Variants in CDC42BPA observed in about 807,000 individuals in gnomAD.
The protein encoded by CDC42BPA is serine/threonine-protein kinase MRCK alpha.
In CDC42BPA, 80 loss-of-function variants were observed where a neutral mutation model predicts 223.5. That is an observed-to-expected ratio of 0.36 (90% CI 0.30 to 0.43). The LOEUF is 0.43. Ranked by LOEUF, CDC42BPA falls within the 20% of genes least tolerant of loss-of-function variation. The pLI, the probability that CDC42BPA is intolerant of heterozygous loss-of-function variation, is 1.00. For synonymous variants in CDC42BPA, 694 were observed against 718.6 expected (o/e 0.97, Z 0.55); for missense variants, 1,743 against 2,099.9 (o/e 0.83, Z 3.32).
Position 227,139,647 on chromosome 1 carries a change from G to A in CDC42BPA, c.1319C>T (p.Ala440Val), listed in dbSNP as rs1219452352. ...AATTCTTCTTTCATAAGCTTCAGTT[G>A]CTAAGTTGTTGTCTAGAGTCCTCTG... ...NVQRTLDNNL[A>V]TEAYERRIKR... The change falls in exon 10 of 37, where the codon GCA (alanine) becomes GTA (valine). Residue 440 changes from alanine to valine, a missense_variant. By Grantham distance (64) the Ala-to-Val change is moderately conservative. Transcript: ENST00000366766. 1.2e-6 allele frequency: 2 copies of A among 1,611,864 alleles called. No individual in the cohort carries two copies. The highest frequency in any genetic ancestry group is 1.7e-6 in the Non-Finnish European group (2 of 1,179,032).
chr1:227,028,161 A>G (rs922557904), intron 30 of CDC42BPA, among the ~76,000 whole-genome samples: 1 of 152,126 alleles, frequency 6.6e-6, no homozygotes, highest in Non-Finnish European at 1.5e-5. Flanking sequence ...TTATGTCTTA[A>G]TATTTCTTGA....
chr1:227,200,125 A>T (rs1572311482), intron 3 of CDC42BPA, among the ~76,000 whole-genome samples: 2 of 151,638 alleles, frequency 1.3e-5, no homozygotes, highest in African/African-American at 2.4e-5. Flanking sequence ...CAAACAACAG[A>T]TTTGTGTTTT....
At position 226,994,887 on chromosome 1, in the gene CDC42BPA, C is replaced by A; in HGVS notation, c.5069G>T (p.Gly1690Val). 1 of 1,613,840 alleles carries A rather than the reference C, an allele frequency of 6.2e-7. No individual in the cohort carries two copies. The highest frequency in any genetic ancestry group is 8.5e-7 in the Non-Finnish European group (1 of 1,179,736). ...KRQPMPSPSE[G>V]SLSSGGMDQG... Reference sequence around the variant, plus strand: ...GTCCATGCCTCCAGAGGACAAAGAGCCCTCTGACGGGGAGGGCATGGGCTG... The same window carrying A: ...GTCCATGCCTCCAGAGGACAAAGAGACCTCTGACGGGGAGGGCATGGGCTG... The change falls in exon 36 of 37, where the codon GGC becomes GTC. Residue 1690 changes from glycine (G) to valine (V), a missense_variant. Physicochemically the swap from Gly to Val is moderately radical, Grantham distance 109. Around this residue, in one of 6 missense-constraint regions of CDC42BPA, gnomAD observed 200 missense variants for 192.8 expected, o/e 1.04. Coordinates refer to ENST00000366766, the MANE Select transcript of CDC42BPA (RefSeq NM_001394014.1). The surrounding 1 kb of genome is among the most constrained non-coding windows in gnomAD (Gnocchi z 4.0).
intron 21 of CDC42BPA, among the ~76,000 whole-genome samples, chr1:227,053,937 T>C (rs1674040763): frequency 6.6e-6 from 1 of 152,140 alleles, no homozygotes. Flanking sequence ...ATTGCAAGAA[T>C]TAGGTGTCCA....
intron 9 of CDC42BPA, among the ~76,000 whole-genome samples, chr1:227,140,453 C>T (rs1046727370): frequency 6.6e-6 from 1 of 151,522 alleles, no homozygotes; most frequent in Non-Finnish European, 1.5e-5. Flanking sequence ...GTGAGGGGAC[C>T]AGTTAAGGGA....
At chr1:227,280,275 C>G (rs900533432) in intron 1 of CDC42BPA, among the ~76,000 whole-genome samples, 1 of 152,152 alleles carries the variant, frequency 6.6e-6, no homozygotes, top group Non-Finnish European at 1.5e-5. Flanking sequence ...AAATAAAATA[C>G]CTGCTTCAAT....
intron 1 of CDC42BPA, among the ~76,000 whole-genome samples, chr1:227,260,832 A>C (rs537286648): frequency 6.6e-6 from 1 of 151,196 alleles, no homozygotes; most frequent in East Asian, 1.9e-4. Flanking sequence ...AGGGCAGGAA[A>C]AGAGAATAAT....
intron 1 of CDC42BPA, among the ~76,000 whole-genome samples, chr1:227,269,983 C>A (rs762531365): frequency 6.6e-6 from 1 of 151,976 alleles, no homozygotes; most frequent in African/African-American, 2.4e-5. Flanking sequence ...TATGTATAAG[C>A]CCTGAAATAC....
rs1669693875 is a variant in CDC42BPA at position 227,033,492 on chromosome 1, A to ACATACC, written c.3477-83_3477-78dup. The stretch of plus-strand genomic sequence containing the variant: ...GGTTTGGGGTGTGTATCCAAATAAC[A>ACATACC]CATACCCAAAGCTTAACTGCACCAA... On this transcript the variant is annotated intron_variant, in intron 26 of 36. Coordinates refer to ENST00000366766, the MANE Select transcript of CDC42BPA (RefSeq NM_001394014.1). 3 of 891,992 alleles carry ACATACC rather than the reference A, an allele frequency of 3.4e-6. No homozygotes were observed. In the African/African-American group the frequency reaches 5.0e-5, roughly 15 times the overall value. 55.3% of individuals were successfully genotyped at this position (891,992 alleles called of 1,614,324 possible).
intron 27 of CDC42BPA, among the ~76,000 whole-genome samples, chr1:227,033,059 G>A (rs1669601127): frequency 6.6e-6 from 1 of 151,920 alleles, no homozygotes; most frequent in Non-Finnish European, 1.5e-5. Flanking sequence ...TTTTCCATGT[G>A]GTAGTATTTA....
intron 9 of CDC42BPA, among the ~76,000 whole-genome samples, chr1:227,140,114 C>T (rs1296362212): frequency 6.6e-6 from 1 of 152,110 alleles, no homozygotes; most frequent in Admixed American, 6.5e-5. Context: ...CCAACCACGG[C>T]CCTCTTTACT....
intron 1 of CDC42BPA, among the ~76,000 whole-genome samples, chr1:227,271,912 AT>A (rs1261874692): frequency 6.6e-6 from 1 of 152,194 alleles, no homozygotes; most frequent in African/African-American, 2.4e-5. Context: ...TTCACCATAA[AT>A]TTTACAAAAT....
At chr1:227,166,792 G>A (rs1353861627) in intron 5 of CDC42BPA, among the ~76,000 whole-genome samples, 1 of 152,054 alleles carries the variant, frequency 6.6e-6, no homozygotes, top group Non-Finnish European at 1.5e-5. Context: ...TGCCTCTGCT[G>A]ACCAACATCT....
chr1:227,249,905 T>C (rs1681672223), intron 2 of CDC42BPA, among the ~76,000 whole-genome samples: 2 of 152,156 alleles, frequency 1.3e-5, no homozygotes, highest in South Asian at 4.1e-4. Context: ...AGGGGGACTG[T>C]AGTCAATAAT....
intron 2 of CDC42BPA, among the ~76,000 whole-genome samples, chr1:227,232,219 G>A (rs983743262): frequency 2.6e-5 from 4 of 152,116 alleles, no homozygotes; most frequent in Admixed American, 6.5e-5. Context: ...GGTTTTCCCA[G>A]CACCATTTAT....
At chr1:227,069,728 G>A in intron 21 of CDC42BPA, 49 bp downstream of exon 21, 1 of 1,308,246 alleles carries the variant, frequency 7.6e-7, no homozygotes, top group Non-Finnish European at 1.1e-6. Flanking sequence ...AAATTACAAA[G>A]TGAATTTTAA....
chr1:227,293,978 A>G (rs1376691228), intron 1 of CDC42BPA, among the ~76,000 whole-genome samples: 1 of 152,098 alleles, frequency 6.6e-6, no homozygotes, highest in Non-Finnish European at 1.5e-5. Flanking sequence ...TTAAATGTTT[A>G]AAAAAATTTT....
intron 6 of CDC42BPA, among the ~76,000 whole-genome samples, chr1:227,155,272 T>C (rs917323806): frequency 1.3e-5 from 2 of 152,200 alleles, no homozygotes; most frequent in African/African-American, 2.4e-5. Flanking sequence ...AGCAACACTG[T>C]AAGTTAAAAG....
At chr1:227,018,079 C>T (rs1666662723) in intron 32 of CDC42BPA, among the ~76,000 whole-genome samples, 1 of 147,910 alleles carries the variant, frequency 6.8e-6, no homozygotes, top group South Asian at 2.1e-4. Flanking sequence ...CAGGGTCTTG[C>T]TCTGTTGCCC....
Sources: gnomAD v4.1 joint callset for allele counts (sites outside exome capture counted in the v4.1 genomes callset) on GRCh38, gnomAD v4.1.1 for gene constraint, gnomAD v4.1.1 regional missense constraint, Gnocchi (gnomAD v3.1) non-coding constraint, MANE v1.5 for transcripts, NCBI Gene and HGNC (gene_info 2026-07-23, HGNC 2026-07-21) for gene names.